The following TECRL variants were observed in gnomAD, a reference collection of about 807,000 sequenced individuals.
TECRL encodes the protein trans-2,3-enoyl-CoA reductase-like.
A neutral mutation model predicts 52.8 loss-of-function variants in TECRL; 63 were observed. The observed-to-expected ratio is 1.19, with a 90% confidence interval of 0.97 to 1.47. The LOEUF (loss-of-function observed/expected upper bound fraction) is 1.47, where lower values mean the gene tolerates loss of function less well. Among genes scored for constraint, TECRL ranks in the 40% most tolerant of loss-of-function variants. The probability of loss-of-function intolerance (pLI) is 0.00; values close to 1 mark genes in which losing one functional copy is unlikely to be tolerated. For synonymous variants in TECRL, 164 were observed against 141.9 expected (o/e 1.16, Z -1.10); for missense variants, 482 against 429.6 (o/e 1.12, Z -1.08).
chr4:64,307,504 C>T (rs964917255), intron 6 of TECRL, among the ~76,000 whole-genome samples: 2 of 151,964 alleles, frequency 1.3e-5, no homozygotes, highest in Non-Finnish European at 2.9e-5. Flanking sequence ...GATGCTTTTT[C>T]TCTCTCTCTC....
intron 9 of TECRL, among the ~76,000 whole-genome samples, chr4:64,287,271 G>A (rs908363393): frequency 5.3e-5 from 8 of 152,006 alleles, no homozygotes; most frequent in African/African-American, 1.7e-4. Flanking sequence ...ACAATATTAT[G>A]TAATGTGTAA....
chr4:64,374,941 T>TA (rs1335333589), intron 2 of TECRL, among the ~76,000 whole-genome samples: 1 of 152,052 alleles, frequency 6.6e-6, no homozygotes, highest in Non-Finnish European at 1.5e-5. Flanking sequence ...AAATATAAAT[T>TA]AAAAACAACT....
intron 8 of TECRL, among the ~76,000 whole-genome samples, chr4:64,290,671 T>C (rs776849214): frequency 6.6e-6 from 1 of 152,160 alleles, no homozygotes; most frequent in African/African-American, 2.4e-5. Flanking sequence ...GACTTTAATT[T>C]CTGGATGTTT....
chr4:64,369,812 T>A lies in TECRL; in HGVS notation c.286+5360A>T, dbSNP rs2109653786. ...TTTAGGTCCGTGGCACATAATAAATTTTGAAAAAAGTTAATTGTTTTTATT... is the reference window on the plus strand; with the variant it reads ...TTTAGGTCCGTGGCACATAATAAATATTGAAAAAAGTTAATTGTTTTTATT... On this transcript the variant is annotated intron_variant, in intron 2 of 11. Coordinates refer to ENST00000381210, the MANE Select transcript of TECRL (RefSeq NM_001010874.5). Among the ~76,000 whole-genome samples the A allele has an allele frequency of 2.0e-5, 3 of 152,104 alleles. 1 individual carries two copies.
intron 1 of TECRL, among the ~76,000 whole-genome samples, chr4:64,382,727 A>G (rs1327414925): frequency 6.6e-6 from 1 of 152,126 alleles, no homozygotes; most frequent in Admixed American, 6.6e-5. Context: ...TATAGGATAC[A>G]ACTTATTCCT....
At chr4:64,332,028 G>A (rs1718676073) in intron 2 of TECRL, among the ~76,000 whole-genome samples, 1 of 152,122 alleles carries the variant, frequency 6.6e-6, no homozygotes, top group Non-Finnish European at 1.5e-5. Flanking sequence ...AATCTCCACA[G>A]AGTGGTTAAG....
intron 8 of TECRL, among the ~76,000 whole-genome samples, chr4:64,290,041 C>T (rs545651741): frequency 9.9e-5 from 15 of 152,188 alleles, no homozygotes; most frequent in African/African-American, 3.1e-4. Flanking sequence ...TCTTGTTAAT[C>T]GGCTTTGTAC....
intron 2 of TECRL, among the ~76,000 whole-genome samples, chr4:64,361,397 C>T (rs7696024): frequency 0.9 from 136,611 of 151,996 alleles, 62,049 homozygotes; most frequent in East Asian, 1. Context: ...CCGTCTGCCG[C>T]CACCTATCCA....
chr4:64,380,851 T>A (rs1163795090), intron 1 of TECRL, among the ~76,000 whole-genome samples: 1 of 152,126 alleles, frequency 6.6e-6, no homozygotes, highest in African/African-American at 2.4e-5. Flanking sequence ...TTGTTTCTTT[T>A]TGCTCAGTAT....
intron 4 of TECRL, 151 bp from the exon 5 acceptor site, chr4:64,314,914 T>G: frequency 3.1e-6 from 2 of 643,252 alleles, no homozygotes; most frequent in Non-Finnish European, 2.8e-6. Flanking sequence ...ACGACTTCCT[T>G]GGAAGAACCA....
chr4:64,309,461 T>C (rs1389622348), intron 6 of TECRL, among the ~76,000 whole-genome samples: 5 of 152,140 alleles, frequency 3.3e-5, no homozygotes, highest in Non-Finnish European at 7.4e-5. Context: ...TAATGGAATA[T>C]AGTATCACCA....
At chr4:64,408,424 A>G in intron 1 of TECRL, among the ~76,000 whole-genome samples, 1 of 152,000 alleles carries the variant, frequency 6.6e-6, no homozygotes, top group Admixed American at 6.6e-5. Flanking sequence ...TTATGCATAT[A>G]TTTATCTAAA....
rs755732929 is a variant in TECRL at position 64,409,125 on chromosome 4, A to G, written c.227T>C (p.Leu76Pro). Residue 76 changes from leucine to proline, a missense_variant, in exon 1 of 12, where the codon CTG (leucine) becomes CCG (proline). Transcript: ENST00000381210. ...DAQTRKQICI[L>P]DKVTQSSTIH... Reference sequence around the variant, plus strand: ...ATAAATAAATAAACTCACCTTATCCAGAATACATATCTGTTTCCTTGTTTG... The same window carrying G: ...ATAAATAAATAAACTCACCTTATCCGGAATACATATCTGTTTCCTTGTTTG... 1.2e-6 allele frequency: 2 copies of G among 1,607,188 alleles called. No homozygotes were observed. The highest frequency in any genetic ancestry group is 2.2e-5 in the East Asian group (1 of 44,632).
intron 2 of TECRL, among the ~76,000 whole-genome samples, chr4:64,355,691 A>C (rs1314883952): frequency 6.6e-6 from 1 of 150,552 alleles, no homozygotes; most frequent in Non-Finnish European, 1.5e-5. Context: ...AGTCCCAGCT[A>C]CTTGGGAGGC....
intron 4 of TECRL, among the ~76,000 whole-genome samples, chr4:64,316,914 G>C (rs1030530391): frequency 4.6e-5 from 7 of 152,122 alleles, no homozygotes; most frequent in African/African-American, 1.4e-4. Flanking sequence ...GTTTGTACTA[G>C]GCAAGCAAGG....
In TECRL at chr4:64,293,567, G is replaced by A. The variant is rs1019155452; in HGVS notation, c.775-3800C>T. On this transcript the variant is annotated intron_variant, in intron 8 of 11. Transcript: ENST00000381210. ...AGCATTGTGTCTTGGTCAGTAACCCGCTGTCATTGTGGAATGATACCAATT... is the reference window on the plus strand; with the variant it reads ...AGCATTGTGTCTTGGTCAGTAACCCACTGTCATTGTGGAATGATACCAATT... 5.3e-5 allele frequency among the ~76,000 whole-genome samples: 8 copies of A among 152,112 alleles called. No individual in the cohort carries two copies. The South Asian group carries it at 1.2e-3, about 24-fold the overall frequency.
chr4:64,369,585 A>T (rs1028032819), intron 2 of TECRL, among the ~76,000 whole-genome samples: 4 of 151,996 alleles, frequency 2.6e-5, no homozygotes, highest in Non-Finnish European at 5.9e-5. Context: ...GAGGGAATGG[A>T]GGTTAGTGGT....
At chr4:64,347,205 T>C (rs1720051647) in intron 2 of TECRL, among the ~76,000 whole-genome samples, 1 of 152,090 alleles carries the variant, frequency 6.6e-6, no homozygotes, top group Non-Finnish European at 1.5e-5. Context: ...TGCAAAATAA[T>C]CCATCATTCC....
chr4:64,389,964 G>A (rs1187683762), intron 1 of TECRL, among the ~76,000 whole-genome samples: 5 of 151,812 alleles, frequency 3.3e-5, no homozygotes, highest in African/African-American at 1.2e-4. Flanking sequence ...GAAGAAGTAT[G>A]TCCATGTTAA....
Sources: allele counts gnomAD v4.1 joint callset (sites outside exome capture counted in the v4.1 genomes callset), GRCh38; gene constraint gnomAD v4.1.1; transcripts MANE v1.5; gene names NCBI Gene and HGNC (gene_info 2026-07-23, HGNC 2026-07-21).